The following LRMDA variants were observed in gnomAD, a reference collection of about 807,000 sequenced individuals.
The protein encoded by LRMDA is leucine-rich melanocyte differentiation-associated protein.
In LRMDA, 18 loss-of-function variants were observed where a neutral mutation model predicts 29.8. The observed-to-expected ratio is 0.60, with a 90% CI of 0.42 to 0.90. The LOEUF (loss-of-function observed/expected upper bound fraction) is 0.90. Among genes scored for constraint, LRMDA ranks in the 40% least tolerant of loss-of-function variants. The pLI is 0.00. For missense variants in LRMDA, 273 were observed against 273.9 expected (o/e 1.00, Z 0.02); for synonymous variants, 125 against 109.4 (o/e 1.14, Z -0.89).
chr10:76,279,094 A>G (rs915634984), intron 5 of LRMDA, among the ~76,000 whole-genome samples: 2 of 152,228 alleles, frequency 1.3e-5, no homozygotes, highest in Non-Finnish European at 2.9e-5. Flanking sequence ...GATGGAGGAC[A>G]TGAGCAATAC....
Position 75,707,624 on chromosome 10 carries a change from A to C in LRMDA, c.131+269130A>C, listed in dbSNP as rs561206414. Among the ~76,000 whole-genome samples, 246 of 152,252 alleles carry C rather than the reference A, an allele frequency of 1.6e-3. 1 individual carries two copies. The highest frequency in any genetic ancestry group is 2.2e-3 in the Non-Finnish European group (151 of 68,002). ...GGTCTGCAGTGTCTTCTCCCCTTTGAGGCTGCGAGAGAGCTGGAATTCCCA... is the reference window on the plus strand; with the variant it reads ...GGTCTGCAGTGTCTTCTCCCCTTTGCGGCTGCGAGAGAGCTGGAATTCCCA... On this transcript the variant is annotated intron_variant, in intron 2 of 6. Coordinates refer to ENST00000611255, the MANE Select transcript of LRMDA (RefSeq NM_001305581.2).
At chr10:76,184,575 A>C (rs1214716413) in intron 5 of LRMDA, among the ~76,000 whole-genome samples, 1 of 152,230 alleles carries the variant, frequency 6.6e-6, no homozygotes, top group East Asian at 1.9e-4. Context: ...GGAAAAAGTA[A>C]TATTCTGGAA....
At chr10:75,501,721 T>C (rs961421783) in intron 2 of LRMDA, among the ~76,000 whole-genome samples, 3 of 152,250 alleles carry the variant, frequency 2.0e-5, no homozygotes, top group African/African-American at 7.2e-5. Flanking sequence ...TCAGACCAGA[T>C]GCTAATGACA....
intron 5 of LRMDA, among the ~76,000 whole-genome samples, chr10:76,282,072 G>A (rs1840213605): frequency 6.6e-6 from 1 of 152,184 alleles, no homozygotes; most frequent in Non-Finnish European, 1.5e-5. Context: ...GTCCCCAGAT[G>A]TCAGCAATCA....
chr10:75,799,727 G>C (rs921320746), intron 2 of LRMDA, among the ~76,000 whole-genome samples: 4 of 134,270 alleles, frequency 3.0e-5, no homozygotes, highest in Non-Finnish European at 6.3e-5. Flanking sequence ...TGTGTGTTTA[G>C]TAGAGACGGG....
intron 6 of LRMDA, among the ~76,000 whole-genome samples, chr10:76,506,175 T>G (rs1842957843): frequency 6.6e-6 from 1 of 152,294 alleles, no homozygotes; most frequent in East Asian, 1.9e-4. Flanking sequence ...CAATTTTTGG[T>G]CTTTCTTGGT....
At chr10:75,954,215 T>C (rs963593332) in intron 2 of LRMDA, among the ~76,000 whole-genome samples, 1 of 152,214 alleles carries the variant, frequency 6.6e-6, no homozygotes, top group Admixed American at 6.5e-5. Context: ...AGCACAGACA[T>C]GTGGGGACTA....
intron 2 of LRMDA, among the ~76,000 whole-genome samples, chr10:75,638,446 G>A (rs998989320): frequency 1.5e-4 from 23 of 152,184 alleles, no homozygotes; most frequent in Non-Finnish European, 2.9e-5. Context: ...AACGGCTTTG[G>A]GGAAGAGGAT....
chr10:75,647,501 T>C (rs1450123317), intron 2 of LRMDA: 1 of 152,278 alleles, frequency 6.6e-6, no homozygotes, highest in Non-Finnish European at 1.5e-5. Context: ...AAGGGAGGCA[T>C]GCTCTTGAAC....
intron 2 of LRMDA, among the ~76,000 whole-genome samples, chr10:75,826,750 A>G (rs901545592): frequency 1.3e-5 from 2 of 152,162 alleles, no homozygotes; most frequent in African/African-American, 2.4e-5. Flanking sequence ...TTTAATGTGA[A>G]ATATATGGGT....
chr10:76,089,586 T>C (rs1209307258), intron 5 of LRMDA, among the ~76,000 whole-genome samples: 1 of 152,182 alleles, frequency 6.6e-6, no homozygotes, highest in Non-Finnish European at 1.5e-5. Context: ...CATCCTTGTC[T>C]GTTATGCTTG....
intron 2 of LRMDA, among the ~76,000 whole-genome samples, chr10:75,874,460 G>A (rs1242895420): frequency 6.6e-6 from 1 of 152,202 alleles, no homozygotes; most frequent in Admixed American, 6.5e-5. Flanking sequence ...GAAATACTGA[G>A]TTACACTTAA....
chr10:76,445,547 A>G (rs190546168), intron 6 of LRMDA, among the ~76,000 whole-genome samples: 6 of 152,340 alleles, frequency 3.9e-5, no homozygotes, highest in African/African-American at 1.4e-4. Flanking sequence ...AATCACAGCC[A>G]TGCTATAGCT....
chr10:76,440,841 C>A (rs1842294796), intron 6 of LRMDA, among the ~76,000 whole-genome samples: 1 of 152,074 alleles, frequency 6.6e-6, no homozygotes, highest in African/African-American at 2.4e-5. Flanking sequence ...TGAGATTATT[C>A]ACATATTTAT....
At chr10:76,005,658 C>T (rs546740182) in intron 2 of LRMDA, among the ~76,000 whole-genome samples, 18 of 151,800 alleles carry the variant, frequency 1.2e-4, no homozygotes, top group East Asian at 9.7e-4. Flanking sequence ...GGGCCAGGCG[C>T]GGTGGCTCAC....
At chr10:75,891,155 T>C (rs1267950925) in intron 2 of LRMDA, among the ~76,000 whole-genome samples, 1 of 151,422 alleles carries the variant, frequency 6.6e-6, no homozygotes, top group African/African-American at 2.4e-5. Flanking sequence ...CATATTGTGT[T>C]GTGTAGCGTA....
chr10:75,930,817 T>C (rs1846193733), intron 2 of LRMDA, among the ~76,000 whole-genome samples: 1 of 152,216 alleles, frequency 6.6e-6, no homozygotes, highest in African/African-American at 2.4e-5. Flanking sequence ...ATTAAAAACA[T>C]AGAATCCCCA....
intron 2 of LRMDA, among the ~76,000 whole-genome samples, chr10:75,510,686 G>A (rs1211198756): frequency 6.6e-6 from 1 of 152,112 alleles, no homozygotes; most frequent in African/African-American, 2.4e-5. Context: ...AATGGATGGT[G>A]GTCTGTGACA....
chr10:75,543,940 G>A (rs944679757), intron 2 of LRMDA, among the ~76,000 whole-genome samples: 7 of 152,144 alleles, frequency 4.6e-5, no homozygotes, highest in Middle Eastern at 3.2e-3. Context: ...GTCGCTGAAT[G>A]TGCTTCCTTG....
Sources: allele counts gnomAD v4.1 joint callset (sites outside exome capture counted in the v4.1 genomes callset), GRCh38; gene constraint gnomAD v4.1.1; transcripts MANE v1.5; gene names NCBI Gene and HGNC (gene_info 2026-07-23, HGNC 2026-07-21).